The following PDE3B variants were observed in gnomAD, a reference collection of about 807,000 sequenced individuals.
PDE3B encodes phosphodiesterase 3B, also known as cGMP-inhibited 3',5'-cyclic phosphodiesterase 3B.
Under a neutral mutation model 116.8 loss-of-function variants are expected in PDE3B, and 66 were observed. That is an observed-to-expected ratio of 0.56 (90% CI 0.46 to 0.69). PDE3B has a LOEUF of 0.69. Among genes scored for constraint, PDE3B ranks in the 30% least tolerant of loss-of-function variants. The probability of loss-of-function intolerance (pLI) is 0.00; values close to 1 mark genes in which losing one functional copy is unlikely to be tolerated. For synonymous variants in PDE3B, 595 were observed against 533.6 expected (o/e 1.12, Z -1.59); for missense variants, 1,384 against 1,368.1 (o/e 1.01, Z -0.18).
At chr11:14,652,166 A>G (rs1488023238) in intron 1 of PDE3B, among the ~76,000 whole-genome samples, 4 of 152,142 alleles carry the variant, frequency 2.6e-5, no homozygotes, top group Non-Finnish European at 5.9e-5. Context: ...TTACAGTGTA[A>G]GGTAATGGTC....
intron 2 of PDE3B, among the ~76,000 whole-genome samples, chr11:14,780,412 G>C (rs1336696234): frequency 6.6e-6 from 1 of 152,094 alleles, no homozygotes; most frequent in African/African-American, 2.4e-5. Flanking sequence ...CACATAGTTG[G>C]AAGTAAAGCA....
the PDE3B span, among the ~76,000 whole-genome samples, chr11:14,878,905 A>G: frequency 1.3e-5 from 2 of 152,100 alleles, no homozygotes; most frequent in African/African-American, 4.8e-5. Context: ...TCAAAAGTTC[A>G]TCTATAGTTA....
In PDE3B at chr11:14,688,769, G is replaced by T. The variant is rs117479046; in HGVS notation, c.978+43716G>T. Among the ~76,000 whole-genome samples, 1,247 of 151,910 alleles carry T rather than the reference G, an allele frequency of 8.2e-3. 33 individuals are homozygous for T. The East Asian group carries it at 0.11, about 13-fold the overall frequency. On this transcript the variant is annotated intron_variant, in intron 1 of 15. Transcript: ENST00000282096. ...CATCAGCCACATATTTGGTTTTTTT[G>T]TTGTTGTTGTTGTTTGTTTGTTTTG...
chr11:14,826,800 C>T (rs555365037), intron 7 of PDE3B, among the ~76,000 whole-genome samples: 4 of 76 alleles, frequency 0.053, no homozygotes, highest in South Asian at 0.5. Context: ...AGGAAGGACT[C>T]CTCCCCCAAC....
At chr11:14,850,827 T>G (rs1847731630) in intron 12 of PDE3B, among the ~76,000 whole-genome samples, 1 of 151,966 alleles carries the variant, frequency 6.6e-6, no homozygotes, top group East Asian at 1.9e-4. Context: ...TGTGTTGTGT[T>G]TTGCTTTGTT....
the PDE3B span, chr11:14,880,284 C>T: frequency 2.4e-5 from 38 of 1,613,058 alleles, 2 homozygotes; most frequent in Middle Eastern, 5.1e-3. Flanking sequence ...TACCTTGATC[C>T]ATCTCATCTA....
chr11:14,760,739 G>A (rs1461394819), intron 1 of PDE3B, among the ~76,000 whole-genome samples: 7 of 151,996 alleles, frequency 4.6e-5, no homozygotes, highest in African/African-American at 1.2e-4. Flanking sequence ...CCCCACAAAA[G>A]TAACCACTGT....
At chr11:14,674,521 T>C (rs1414508909) in intron 1 of PDE3B, 2 of 509,468 alleles carry the variant, frequency 3.9e-6, no homozygotes, top group Non-Finnish European at 7.7e-6. Context: ...CTCAACCTCC[T>C]GGAATTTAGG....
At chr11:14,662,822 C>T (rs539781010) in intron 1 of PDE3B, among the ~76,000 whole-genome samples, 221 of 152,326 alleles carry the variant, frequency 1.5e-3, no homozygotes, top group African/African-American at 4.9e-3. Flanking sequence ...AAGACCAAAT[C>T]TGCGTCTGAT....
chr11:14,748,890 C>CTT (rs372787656), intron 1 of PDE3B, among the ~76,000 whole-genome samples: 25 of 137,632 alleles, frequency 1.8e-4, no homozygotes, highest in African/African-American at 2.9e-4. Context: ...TCTTTTCTTT[C>CTT]TTTTTTTTTT....
chr11:14,783,832 T>C lies in PDE3B; in HGVS notation c.1030-2605T>C, dbSNP rs191053171. On this transcript the variant is annotated intron_variant, in intron 2 of 15. Transcript: ENST00000282096. ...AACAAAAGAATCTGTCAGTAAGAGA[T>C]TTACCTTGCAAGAAAGACAAAAGGA... is the stretch of plus-strand genomic sequence containing the variant. Among the ~76,000 whole-genome samples the C allele has an allele frequency of 4.6e-3, 702 of 152,120 alleles. 3 individuals are homozygous for C. The highest frequency in any genetic ancestry group is 0.015 in the African/African-American group (627 of 41,520).
chr11:14,866,925 G>GA (rs1337342605), intron 14 of PDE3B, among the ~76,000 whole-genome samples: 3 of 152,126 alleles, frequency 2.0e-5, no homozygotes, highest in Admixed American at 6.6e-5. Context: ...TTAAGCCCTA[G>GA]AAGCCACAGT....
chr11:14,729,181 T>C (rs1248265919), intron 1 of PDE3B, among the ~76,000 whole-genome samples: 1 of 152,226 alleles, frequency 6.6e-6, no homozygotes, highest in African/African-American at 2.4e-5. Flanking sequence ...AATACATTAT[T>C]GACTGATGTG....
chr11:14,818,319 AT>A lies in PDE3B; in HGVS notation c.1660del (p.Ser554LeufsTer31), dbSNP rs775466201. ...LNKPSVILQR[S>X]LGNAPNTPDF... ...ATAAGCCAAGCGTTATCTTGCAGAG[AT>A]CTCTGGGCAATGCACCTAATACTCC... On this transcript the variant is annotated frameshift_variant, in exon 6 of 16. Coordinates refer to ENST00000282096, the MANE Select transcript of PDE3B (RefSeq NM_000922.4). LOFTEE classifies it high-confidence loss of function. 1 of 1,613,720 alleles carries A rather than the reference AT, an allele frequency of 6.2e-7. No individual in the cohort carries two copies. The highest frequency in any genetic ancestry group is 1.1e-5 in the South Asian group (1 of 91,076).
chr11:14,662,821 T>C (rs1853977674), intron 1 of PDE3B, among the ~76,000 whole-genome samples: 1 of 152,128 alleles, frequency 6.6e-6, no homozygotes. Context: ...AAAGACCAAA[T>C]CTGCGTCTGA....
intron 2 of PDE3B, among the ~76,000 whole-genome samples, chr11:14,782,180 C>T (rs1858026386): frequency 6.6e-6 from 1 of 152,138 alleles, no homozygotes; most frequent in Non-Finnish European, 1.5e-5. Context: ...AGTGACAATA[C>T]TGCCCAAAGT....
chr11:14,800,719 G>C (rs780484502), intron 4 of PDE3B, among the ~76,000 whole-genome samples: 5 of 152,122 alleles, frequency 3.3e-5, no homozygotes, highest in Non-Finnish European at 7.3e-5. Flanking sequence ...TTAGGTTGGG[G>C]ATGTTCTCTT....
At chr11:14,807,291 A>C in intron 5 of PDE3B, among the ~76,000 whole-genome samples, 1 of 152,212 alleles carries the variant, frequency 6.6e-6, no homozygotes, top group East Asian at 1.9e-4. Context: ...ACACAATAAT[A>C]ACTTTCTTTT....
chr11:14,768,659 C>T (rs546421072), intron 1 of PDE3B, among the ~76,000 whole-genome samples: 3 of 151,574 alleles, frequency 2.0e-5, no homozygotes, highest in Admixed American at 2.0e-4. Context: ...CTAAGCTGCA[C>T]AGCTATGTGC....
Sources: allele counts gnomAD v4.1 joint callset (sites outside exome capture counted in the v4.1 genomes callset), GRCh38; gene constraint gnomAD v4.1.1; transcripts MANE v1.5; gene names NCBI Gene and HGNC (gene_info 2026-07-23, HGNC 2026-07-21).